The following CEP192 variants were observed in gnomAD, a reference collection of about 807,000 sequenced individuals.
The protein encoded by CEP192 is centrosomal protein 192, also known as centrosomal protein of 192 kDa.
In CEP192, 151 loss-of-function variants were observed where a neutral mutation model predicts 271.8. That is an observed-to-expected ratio of 0.56 (90% CI 0.49 to 0.64). The LOEUF (loss-of-function observed/expected upper bound fraction) is 0.64. CEP192 is among the 30% of genes least tolerant of loss of function. CEP192 has a pLI of 0.00. For synonymous variants in CEP192, 995 were observed against 1,076.5 expected, an observed-to-expected ratio of 0.92 and a Z score of 1.48; for missense variants, 2,910 against 3,020.5, an observed-to-expected ratio of 0.96 and a Z score of 0.86.
rs571799198 is a variant in CEP192 at position 13,007,999 on chromosome 18, C to G, written c.291-457C>G. Among the ~76,000 whole-genome samples, 179 of 152,228 alleles carry G rather than the reference C, an allele frequency of 1.2e-3. 1 individual carries two copies. Among genetic ancestry groups the G allele is most frequent in the Non-Finnish European group, 2.3e-3 (154 of 68,016 alleles). ...AAAATACTTTCATCCACACAGAAAA[C>G]AGCAGAGGTAGAAAGAAAGATAAGG... is the stretch of plus-strand genomic sequence containing the variant. On this transcript the variant is annotated intron_variant, in intron 3 of 44. Coordinates refer to ENST00000506447, the MANE Select transcript of CEP192 (RefSeq NM_032142.4).
Position 13,038,464 on chromosome 18 carries a change from G to T in CEP192, c.1694G>T (p.Ser565Ile). 6.4e-7 allele frequency: 1 copy of T among 1,551,456 alleles called. No homozygotes were observed. Among genetic ancestry groups the T allele is most frequent in the Non-Finnish European group, 8.7e-7 (1 of 1,146,808 alleles). ...TACAGTCTGTTGAGGAAATCACGTA[G>T]CACATCAGATTTGGATAAAGATGAT... The part of the protein sequence containing the change: ...INYSLLRKSR[S>I]TSDLDKDDAS... The change falls in exon 13 of 45, where the codon AGC becomes ATC. Residue 565 changes from serine to isoleucine, a missense_variant. Transcript: ENST00000506447.
intron 9 of CEP192, among the ~76,000 whole-genome samples, chr18:13,025,265 G>T (rs544433175): frequency 1.3e-5 from 2 of 151,958 alleles, no homozygotes; most frequent in South Asian, 4.2e-4. Context: ...TGCCCAGAAT[G>T]GAGTGCAGTG....
chr18:13,025,345 C>T (rs557603427), intron 9 of CEP192, among the ~76,000 whole-genome samples: 21 of 152,094 alleles, frequency 1.4e-4, no homozygotes, highest in Admixed American at 1.0e-3. Flanking sequence ...GCCTTCTGAG[C>T]AGTTGGGACA....
At chr18:13,071,641 C>T (rs755020556) in intron 28 of CEP192, among the ~76,000 whole-genome samples, 3 of 152,154 alleles carry the variant, frequency 2.0e-5, no homozygotes, top group Non-Finnish European at 4.4e-5. Flanking sequence ...TCATACTTCC[C>T]GACCACACCG....
chr18:13,051,582 C>G lies in CEP192; in HGVS notation c.3018-1337C>G, dbSNP rs57104210. Among the ~76,000 whole-genome samples the G allele has an allele frequency of 9.6e-3, 1,457 of 152,210 alleles. 25 individuals carry two copies. The highest frequency in any genetic ancestry group is 0.034 in the African/African-American group (1,394 of 41,534). On this transcript the variant is annotated intron_variant, in intron 17 of 44. Transcript: ENST00000506447. ...TTTTTTTGAGACAGAGTCTCTCTCTCGCCCAGGCTGGAGTGCAGTGGTGCA... is the reference window on the plus strand; with the variant it reads ...TTTTTTTGAGACAGAGTCTCTCTCTGGCCCAGGCTGGAGTGCAGTGGTGCA...
At chr18:13,018,709 A>G (rs892139803) in intron 8 of CEP192, 94 bp downstream of exon 8, 33 of 892,360 alleles carry the variant, frequency 3.7e-5, no homozygotes, top group African/African-American at 5.2e-5. Flanking sequence ...GATTTAGCAT[A>G]TATTAACTCT....
chr18:13,052,916 C>T lies in CEP192; in HGVS notation c.3018-3C>T. ...CCAGGTGTGAGCTACTCTTCTCTTTCAGGTGTGCGTTAGAGTCCTTTGGTT... is the reference window on the plus strand; with the variant it reads ...CCAGGTGTGAGCTACTCTTCTCTTTTAGGTGTGCGTTAGAGTCCTTTGGTT... On this transcript the variant is annotated splice_region_variant and splice_polypyrimidine_tract_variant and intron_variant, in intron 17 of 44. Coordinates refer to ENST00000506447, the MANE Select transcript of CEP192 (RefSeq NM_032142.4). 1 of 1,563,134 alleles carries T rather than the reference C, an allele frequency of 6.4e-7. No homozygotes were observed. Among genetic ancestry groups the T allele is most frequent in the South Asian group, 1.2e-5 (1 of 84,654 alleles).
chr18:12,994,408 A>G (rs759020521), intron 1 of CEP192, among the ~76,000 whole-genome samples: 103 of 151,970 alleles, frequency 6.8e-4, no homozygotes, highest in Non-Finnish European at 1.2e-3. Context: ...TAGAAAATCT[A>G]GTATGTGGTG....
intron 6 of CEP192, among the ~76,000 whole-genome samples, chr18:13,015,911 A>G (rs907581648): frequency 4.6e-5 from 7 of 151,926 alleles, no homozygotes; most frequent in Non-Finnish European, 1.0e-4. Context: ...ATGTCTGGCT[A>G]ATTTTTGGAT....
chr18:13,102,444 C>G (rs1805949916), intron 38 of CEP192, among the ~76,000 whole-genome samples: 1 of 152,124 alleles, frequency 6.6e-6, no homozygotes, highest in East Asian at 1.9e-4. Flanking sequence ...AAGCATCTTC[C>G]TCGGCCCCCA....
chr18:13,061,906 G>A (rs1233071064), intron 21 of CEP192, among the ~76,000 whole-genome samples: 4 of 152,144 alleles, frequency 2.6e-5, no homozygotes, highest in Admixed American at 2.0e-4. Context: ...ACTGAGAACT[G>A]GTGTTATTAA....
chr18:13,096,358 T>G, intron 36 of CEP192, 51 bp downstream of exon 36: 1 of 1,587,310 alleles, frequency 6.3e-7, no homozygotes. Context: ...GCTGGCTTGG[T>G]GACTTTCTAA....
intron 30 of CEP192, among the ~76,000 whole-genome samples, chr18:13,076,013 T>A (rs1313351882): frequency 6.6e-6 from 1 of 152,186 alleles, no homozygotes. Flanking sequence ...GGAGTTACTT[T>A]TCGTTTGTCA....
chr18:13,009,014 G>GTT (rs10586819), intron 4 of CEP192, among the ~76,000 whole-genome samples: 4 of 120,432 alleles, frequency 3.3e-5, no homozygotes, highest in African/African-American at 6.8e-5. Flanking sequence ...TGGCCTTTTT[G>GTT]TTTTTTTTTT....
chr18:13,115,124 G>T (rs2040369616), intron 42 of CEP192, among the ~76,000 whole-genome samples: 1 of 152,144 alleles, frequency 6.6e-6, no homozygotes. Flanking sequence ...GAAGAAATTA[G>T]AGCCCTTTAA....
At chr18:13,056,820 C>T in intron 19 of CEP192, 122 bp downstream of exon 19, 1 of 852,758 alleles carries the variant, frequency 1.2e-6, no homozygotes, top group Non-Finnish European at 1.8e-6. Context: ...GTGCTTCTTC[C>T]TAAACTGAGA....
At chr18:13,097,111 C>T (rs772764610) in intron 36 of CEP192, among the ~76,000 whole-genome samples, 2 of 152,194 alleles carry the variant, frequency 1.3e-5, no homozygotes, top group East Asian at 1.9e-4. Context: ...CTCCAGAGAG[C>T]GTTGCTGGGA....
Position 12,995,210 on chromosome 18 carries a change from C to T in CEP192, c.-5+3773C>T, listed in dbSNP as rs530785931. Among the ~76,000 whole-genome samples, 46 of 152,022 alleles carry T rather than the reference C, an allele frequency of 3.0e-4. No homozygotes were observed. In the South Asian group the frequency reaches 6.5e-3, roughly 21 times the overall value. The stretch of plus-strand genomic sequence containing the variant: ...CTGAGTAGCTGGGACTACAGGCGCC[C>T]GCCACCTCGCCCGGCTAATTTTTTT... On this transcript the variant is annotated intron_variant, in intron 1 of 44. Coordinates refer to ENST00000506447, the MANE Select transcript of CEP192 (RefSeq NM_032142.4).
In CEP192 at chr18:13,072,858, C is replaced by A; in HGVS notation, c.5439+13C>A. 6.3e-7 allele frequency: 1 copy of A among 1,591,658 alleles called. No individual in the cohort carries two copies. Reference sequence around the variant, plus strand: ...GGACTGCTTTCAGGTTCGTAGAGTACGTGGATTCTTGTTATGTCTTCTGTC... The same window carrying A: ...GGACTGCTTTCAGGTTCGTAGAGTAAGTGGATTCTTGTTATGTCTTCTGTC... On this transcript the variant is annotated intron_variant, in intron 29 of 44. Transcript: ENST00000506447.
Sources: allele counts gnomAD v4.1 joint callset (sites outside exome capture counted in the v4.1 genomes callset), GRCh38; gene constraint gnomAD v4.1.1; transcripts MANE v1.5; gene names NCBI Gene and HGNC (gene_info 2026-07-23, HGNC 2026-07-21).